TDRD1: variants seen among roughly 807,000 people sequenced by gnomAD.
TDRD1 encodes the protein tudor domain-containing protein 1.
Under a neutral mutation model 140.6 loss-of-function variants are expected in TDRD1, and 37 were observed. The observed-to-expected ratio is 0.26, with a 90% CI of 0.20 to 0.35. The LOEUF (loss-of-function observed/expected upper bound fraction) is 0.35. Ranked by LOEUF, TDRD1 falls within the 10% of genes least tolerant of loss-of-function variation. The probability of loss-of-function intolerance (pLI) is 1.00; values close to 1 mark genes in which losing one functional copy is unlikely to be tolerated. For synonymous variants in TDRD1, 506 were observed against 475.7 expected (o/e 1.06, Z -0.83); for missense variants, 1,243 against 1,393.0 (o/e 0.89, Z 1.71).
At chr10:114,231,510 C>G (rs147024448) in exon 26 of TDRD1, 3 of 1,597,234 alleles carry the variant, frequency 1.9e-6, no homozygotes, top group African/African-American at 1.4e-5. Flanking sequence ...GGAGGTAAAC[C>G]CTTATGAGAC....
chr10:114,194,355 A>G (rs1227886240), intron 3 of TDRD1, among the ~76,000 whole-genome samples: 2 of 152,180 alleles, frequency 1.3e-5, no homozygotes, highest in Non-Finnish European at 2.9e-5. Context: ...TTTTAAAGCT[A>G]TGATTCAGTT....
intron 1 of TDRD1, among the ~76,000 whole-genome samples, chr10:114,184,701 T>C (rs142802169): frequency 6.6e-6 from 1 of 152,364 alleles, no homozygotes; most frequent in African/African-American, 2.4e-5. Context: ...TTTGTCATCT[T>C]TGTGATAGTA....
At chr10:114,209,511 T>C (rs1291865853) in intron 11 of TDRD1, among the ~76,000 whole-genome samples, 1 of 152,228 alleles carries the variant, frequency 6.6e-6, no homozygotes, top group Admixed American at 6.5e-5. Context: ...GTGATTTCTT[T>C]TGGAAACATT....
At position 114,214,017 on chromosome 10, in the gene TDRD1, G is replaced by A; in HGVS notation, c.2115G>A (p.Trp705Ter). The A allele has an allele frequency of 6.2e-7, 1 of 1,613,792 alleles. No individual in the cohort carries two copies. The highest frequency in any genetic ancestry group is 8.5e-7 in the Non-Finnish European group (1 of 1,179,714). Residue 705 changes from tryptophan to a stop codon, truncating the protein, a stop_gained, in exon 16 of 26, where the codon TGG becomes TGA. Transcript: ENST00000251864. LOFTEE classifies it high-confidence loss of function. ...AAGGAAAAGTAAATCCATTGGAGTG[G>A]ACATGGGTTGAACTTGGTGTTGACC...
intron 3 of TDRD1, among the ~76,000 whole-genome samples, chr10:114,192,054 A>ATTT (rs146888592): frequency 1.4e-5 from 2 of 145,494 alleles, no homozygotes; most frequent in Non-Finnish European, 3.0e-5. Flanking sequence ...CTATTTTCTA[A>ATTT]TTTTTTTTTT....
In TDRD1 at chr10:114,194,499, T is replaced by A. The variant is rs537680819; in HGVS notation, c.384+3480T>A. Among the ~76,000 whole-genome samples, 3 of 152,246 alleles carry A rather than the reference T, an allele frequency of 2.0e-5. No homozygotes were observed. In the South Asian group the frequency reaches 6.2e-4, roughly 32 times the overall value. On this transcript the variant is annotated intron_variant, in intron 3 of 25. Transcript: ENST00000251864. ...TTCCCAGTATTATTTTCAGTATTAGTGGTGTCTGTAGTAATGTTCCCTATT... is the reference window on the plus strand; with the variant it reads ...TTCCCAGTATTATTTTCAGTATTAGAGGTGTCTGTAGTAATGTTCCCTATT...
At chr10:114,220,039 G>A (rs184836811) in intron 18 of TDRD1, among the ~76,000 whole-genome samples, 1 of 152,306 alleles carries the variant, frequency 6.6e-6, no homozygotes, top group African/African-American at 2.4e-5. Flanking sequence ...TAGAAACTCT[G>A]GGTAGGGCCC....
At chr10:114,198,807 C>T (rs903023921) in intron 3 of TDRD1, among the ~76,000 whole-genome samples, 1 of 152,190 alleles carries the variant, frequency 6.6e-6, no homozygotes, top group East Asian at 1.9e-4. Context: ...GTGCCCACCA[C>T]GACACCCGGC....
intron 5 of TDRD1, among the ~76,000 whole-genome samples, chr10:114,202,012 G>T (rs1268436751): frequency 6.6e-6 from 1 of 152,174 alleles, no homozygotes; most frequent in African/African-American, 2.4e-5. Flanking sequence ...CCCTGTCTCT[G>T]TCTGTCTCAT....
exon 4 of TDRD1, chr10:114,199,222 T>G (rs1264692573): frequency 6.2e-6 from 10 of 1,614,086 alleles, no homozygotes; most frequent in Non-Finnish European, 7.6e-6. Flanking sequence ...CTAAACAAGT[T>G]GGTCGAGAAT....
At chr10:114,205,746 A>G (rs1051459673) in intron 10 of TDRD1, among the ~76,000 whole-genome samples, 3 of 152,174 alleles carry the variant, frequency 2.0e-5, no homozygotes, top group Non-Finnish European at 4.4e-5. Flanking sequence ...GTAGGTGGGG[A>G]TGGTTAATGG....
chr10:114,182,807 C>G (rs1001027707), intron 1 of TDRD1, among the ~76,000 whole-genome samples: 2 of 151,866 alleles, frequency 1.3e-5, no homozygotes, highest in Non-Finnish European at 2.9e-5. Flanking sequence ...GCCTCAGCCT[C>G]CCGAGTAGCT....
chr10:114,188,590 G>A (rs1358872885), intron 2 of TDRD1, among the ~76,000 whole-genome samples: 1 of 152,146 alleles, frequency 6.6e-6, no homozygotes, highest in Non-Finnish European at 1.5e-5. Context: ...TGGGTGAGGT[G>A]GCTCACGCCT....
At chr10:114,230,167 T>TG (rs1245428561) in intron 25 of TDRD1, among the ~76,000 whole-genome samples, 1 of 152,194 alleles carries the variant, frequency 6.6e-6, no homozygotes, top group Non-Finnish European at 1.5e-5. Context: ...TTGGTTGGCC[T>TG]GTATGTTCTT....
chr10:114,184,513 A>T (rs1239857767), intron 1 of TDRD1, among the ~76,000 whole-genome samples: 1 of 152,226 alleles, frequency 6.6e-6, no homozygotes, highest in Non-Finnish European at 1.5e-5. Flanking sequence ...TGTGCTAGCC[A>T]CATCTGTTCC....
At chr10:114,221,530 G>T (rs1381607582) in intron 20 of TDRD1, 54 bp downstream of exon 20, 5 of 1,536,778 alleles carry the variant, frequency 3.3e-6, no homozygotes, top group African/African-American at 1.4e-5. Flanking sequence ...ACTGTAAAAC[G>T]AAAGTGCTGG....
chr10:114,209,531 G>A (rs1453435395), intron 11 of TDRD1, among the ~76,000 whole-genome samples: 1 of 152,140 alleles, frequency 6.6e-6, no homozygotes, highest in Admixed American at 6.5e-5. Context: ...TTTAAGAAAT[G>A]GTTTTTAATT....
intron 2 of TDRD1, among the ~76,000 whole-genome samples, chr10:114,189,975 G>A (rs1050632901): frequency 5.9e-5 from 9 of 152,166 alleles, no homozygotes; most frequent in African/African-American, 1.9e-4. Flanking sequence ...CTAACCCTAT[G>A]CCACTTGTTT....
intron 3 of TDRD1, among the ~76,000 whole-genome samples, chr10:114,195,048 C>T (rs2034250977): frequency 6.6e-6 from 1 of 151,980 alleles, no homozygotes; most frequent in Admixed American, 6.6e-5. Context: ...GCATGAGTTG[C>T]CCTGCCCAGC....
Sources: allele counts gnomAD v4.1 joint callset (sites outside exome capture counted in the v4.1 genomes callset), GRCh38; gene constraint gnomAD v4.1.1; transcripts MANE v1.5; gene names NCBI Gene and HGNC (gene_info 2026-07-23, HGNC 2026-07-21).